SLC12A9: variants seen among roughly 807,000 people sequenced by gnomAD.
SLC12A9 encodes the protein CCC-interacting protein 1.
Under a neutral mutation model 66.0 loss-of-function variants are expected in SLC12A9, and 55 were observed. The observed-to-expected ratio is 0.83, with a 90% CI of 0.67 to 1.04. The LOEUF is 1.04. Among genes scored for constraint, SLC12A9 ranks in the 50% least tolerant of loss-of-function variants. The probability of loss-of-function intolerance (pLI) is 0.00; values close to 1 mark genes in which losing one functional copy is unlikely to be tolerated. For synonymous variants in SLC12A9, 577 were observed against 569.0 expected (o/e 1.01, Z -0.20); for missense variants, 1,061 against 1,241.9 (o/e 0.85, Z 2.19).
At chr7:100,863,740 C>G (rs886878982) in intron 13 of SLC12A9, among the ~76,000 whole-genome samples, 3 of 152,228 alleles carry the variant, frequency 2.0e-5, no homozygotes, top group African/African-American at 4.8e-5. Flanking sequence ...CAGTCACTGC[C>G]TTTTCCCTTA....
chr7:100,833,749 A>G (rs1321604001), intron 1 of SLC12A9, among the ~76,000 whole-genome samples: 1 of 151,890 alleles, frequency 6.6e-6, no homozygotes, highest in Middle Eastern at 3.2e-3. Context: ...CCTGGCTAAC[A>G]TGGTGAAACC....
chr7:100,835,688 CAA>C (rs922075164), intron 1 of SLC12A9, among the ~76,000 whole-genome samples: 3 of 152,068 alleles, frequency 2.0e-5, no homozygotes, highest in Admixed American at 1.3e-4. Flanking sequence ...CACACATACA[CAA>C]AAGAGTGTGA....
chr7:100,854,911 C>A (rs1814293558), intron 3 of SLC12A9, among the ~76,000 whole-genome samples, 157 bp downstream of exon 3: 1 of 152,020 alleles, frequency 6.6e-6, no homozygotes, highest in Non-Finnish European at 1.5e-5. Context: ...CATCTGTAAT[C>A]CCAGCACTTT....
chr7:100,860,414 C>A, intron 9 of SLC12A9, 182 bp downstream of exon 9: 1 of 638,962 alleles, frequency 1.6e-6, no homozygotes. Flanking sequence ...CAGGTTGCCC[C>A]AGTGCTTTGC....
rs1415792576 is a variant in SLC12A9, at chr7:100,864,113, C to T, written c.1858+1286C>T. Among the ~76,000 whole-genome samples, 4 of 130,312 alleles carry T rather than the reference C, an allele frequency of 3.1e-5. No individual in the cohort carries two copies. In the Admixed American group the frequency reaches 3.5e-4, roughly 12 times the overall value. The allele number at this position is 130,312 out of a possible 152,430, so 85.5% of individuals were successfully genotyped here. On this transcript the variant is annotated intron_variant, in intron 13 of 13. Coordinates refer to ENST00000354161, the MANE Select transcript of SLC12A9 (RefSeq NM_020246.4). ...TTTTTTTTTTGGACAGGGTCTCACT[C>T]TGTTGCCCAGGCTGGAGTGCAGTGG...
intron 9 of SLC12A9, chr7:100,860,524 C>T (rs1814684452): frequency 4.6e-6 from 2 of 438,300 alleles, no homozygotes; most frequent in East Asian, 9.3e-5. Context: ...TAGTATTTTT[C>T]AGTATTCACT....
Position 100,858,857 on chromosome 7 carries a change from C to T in SLC12A9, c.780C>T (p.Thr260=), listed in dbSNP as rs747729922. Residue 260 remains threonine, a synonymous_variant, in exon 6 of 14, where the codon ACC becomes ACT. Coordinates refer to ENST00000354161, the MANE Select transcript of SLC12A9 (RefSeq NM_020246.4). The part of the protein sequence containing the change: ...NLGAGYAEDY[T]TGAVMNFASV... ...TAGCTGGCTATGCTGAGGACTACAC[C>T]ACGGGAGCCGTGATGAATTTTGCCA... 11 of 1,614,074 alleles carry T rather than the reference C, an allele frequency of 6.8e-6. No individual in the cohort carries two copies. In the East Asian group the frequency reaches 1.8e-4, roughly 26 times the overall value.
rs1814719774 is a variant in SLC12A9, at chr7:100,861,063, TC to T, written c.1219-74del. ...TTGACACTTTGGGGTACACTGGCAT[TC>T]TTTGGTGTTCACTGGCATTTTGGGG... On this transcript the variant is annotated intron_variant, in intron 9 of 13. Coordinates refer to ENST00000354161, the MANE Select transcript of SLC12A9 (RefSeq NM_020246.4). This position sits in a 1 kb window ranked among gnomAD's most constrained non-coding sequence, Gnocchi z 5.3. The T allele has an allele frequency of 1.2e-6, 2 of 1,611,430 alleles. No individual in the cohort carries two copies. The highest frequency in any genetic ancestry group is 1.7e-4 in the Middle Eastern group (1 of 6,058).
Position 100,866,022 on chromosome 7 carries a change from T to A in SLC12A9, c.2162T>A (p.Leu721Gln). Reference sequence around the variant, plus strand: ...CGGGGGTCTGGGGGCACCTCTCAGCTGCACCATGTGGACGTGTGGCCCCTC... The same window carrying A: ...CGGGGGTCTGGGGGCACCTCTCAGCAGCACCATGTGGACGTGTGGCCCCTC... ...LSRGSGGTSQ[L>Q]HHVDVWPLNL... Residue 721 changes from leucine to glutamine, a missense_variant, in exon 14 of 14, where the codon CTG (leucine) becomes CAG (glutamine). Coordinates refer to ENST00000354161, the MANE Select transcript of SLC12A9 (RefSeq NM_020246.4). This position sits in a 1 kb window ranked among gnomAD's most constrained non-coding sequence, Gnocchi z 7.3. 1 of 1,612,798 alleles carries A rather than the reference T, an allele frequency of 6.2e-7. No individual in the cohort carries two copies. Among genetic ancestry groups the A allele is most frequent in the Non-Finnish European group, 8.5e-7 (1 of 1,179,850 alleles).
At chr7:100,828,965 T>A (rs1032003575) in intron 1 of SLC12A9, among the ~76,000 whole-genome samples, 2 of 150,318 alleles carry the variant, frequency 1.3e-5, no homozygotes, top group African/African-American at 4.9e-5. Context: ...GGACTTAGAC[T>A]CCCACAGTAA....
rs750391645 is a variant in SLC12A9, at chr7:100,862,813, G to A, written c.1844G>A (p.Arg615Gln). The change falls in exon 13 of 14, where the codon CGA (arginine) becomes CAA (glutamine). Residue 615 changes from arginine (R) to glutamine (Q), a missense_variant. By Grantham distance (43) the Arg-to-Gln change is conservative (BLOSUM62 1). Coordinates refer to ENST00000354161, the MANE Select transcript of SLC12A9 (RefSeq NM_020246.4). ...CGCCAGGGGGCTCAGCATCTGCTGC[G>A]AATCTCCGGCCTCGGTGAGCTGCTT... ...SVRQGAQHLL[R>Q]ISGLGGMKPN... 7 of 1,613,958 alleles carry A rather than the reference G, an allele frequency of 4.3e-6. No homozygotes were observed. The highest frequency in any genetic ancestry group is 1.6e-4 in the Middle Eastern group (1 of 6,072).
upstream of SLC12A9, among the ~76,000 whole-genome samples, chr7:100,849,673 C>T (rs1814014945): frequency 6.6e-6 from 1 of 151,548 alleles, no homozygotes; most frequent in Non-Finnish European, 1.5e-5. Flanking sequence ...TGAGATCGCG[C>T]CACTGCCCTA....
rs141919245 is a variant in SLC12A9, at chr7:100,826,955, G to GCC, written n.144_145dup. On this transcript the variant is annotated non_coding_transcript_exon_variant, in exon 1 of 2. Coordinates refer to the SLC12A9 transcript ENST00000461016. ...GGAGGTCCCAGGAGTGACGGGGTGC[G>GCC]CCCCCCCCCGCAAGGAAACTCACCT... 3.4e-3 allele frequency: 5,074 copies of GCC among 1,480,110 alleles called. 8 individuals carry two copies. The highest frequency in any genetic ancestry group is 0.013 in the East Asian group (484 of 38,278). The allele number at this position is 1,480,110 out of a possible 1,614,324, so 91.7% of individuals were successfully genotyped here.
chr7:100,862,449 T>A (rs1814816270), intron 12 of SLC12A9, among the ~76,000 whole-genome samples: 1 of 152,194 alleles, frequency 6.6e-6, no homozygotes, highest in Admixed American at 6.5e-5. Context: ...GGTCTCTTTA[T>A]GTTTCCCAGG....
At chr7:100,835,658 A>C (rs1584676724) in intron 1 of SLC12A9, among the ~76,000 whole-genome samples, 1 of 152,102 alleles carries the variant, frequency 6.6e-6, no homozygotes, top group Admixed American at 6.5e-5. Flanking sequence ...TCAAAAAAAA[A>C]AACAACAAAA....
rs374400811 is a variant in SLC12A9 at position 100,855,853 on chromosome 7, G to T, written c.448+16G>T. On this transcript the variant is annotated intron_variant, in intron 4 of 13. Coordinates refer to ENST00000354161, the MANE Select transcript of SLC12A9 (RefSeq NM_020246.4). ...TTCGGGGCCGGTCTGTGCTCTGTCCGATCTGGGCAGTGCTGCGGGTTTACA... is the reference window on the plus strand; with the variant it reads ...TTCGGGGCCGGTCTGTGCTCTGTCCTATCTGGGCAGTGCTGCGGGTTTACA... 1.5e-5 allele frequency: 24 copies of T among 1,589,222 alleles called. 1 individual carries two copies. Among genetic ancestry groups the T allele is most frequent in the Middle Eastern group, 1.7e-4 (1 of 5,922 alleles).
chr7:100,862,937 A>G, intron 13 of SLC12A9, 110 bp downstream of exon 13: 1 of 1,354,418 alleles, frequency 7.4e-7, no homozygotes, highest in Non-Finnish European at 1.0e-6. Flanking sequence ...AAAGGACCTT[A>G]TAGTCGAGAG....
chr7:100,839,698 G>A (rs1257577851), intron 1 of SLC12A9, among the ~76,000 whole-genome samples: 1 of 152,172 alleles, frequency 6.6e-6, no homozygotes, highest in African/African-American at 2.4e-5. Context: ...AGGAAGGAAC[G>A]GGCACTTAGA....
Position 100,856,856 on chromosome 7 carries a change from A to G in SLC12A9, c.449-12A>G. The G allele has an allele frequency of 1.3e-6, 2 of 1,573,226 alleles. No individual in the cohort carries two copies. The highest frequency in any genetic ancestry group is 1.7e-6 in the Non-Finnish European group (2 of 1,161,794). The stretch of plus-strand genomic sequence containing the variant: ...GATCGGGCCTTCTAACTCTGTCCCT[A>G]CCTCTCTCCAGATGCCACAGGGCCC... On this transcript the variant is annotated splice_polypyrimidine_tract_variant and intron_variant, in intron 4 of 13. Transcript: ENST00000354161.
Sources: gnomAD v4.1 joint callset for allele counts (sites outside exome capture counted in the v4.1 genomes callset) on GRCh38, gnomAD v4.1.1 for gene constraint, Gnocchi (gnomAD v3.1) non-coding constraint, MANE v1.5 for transcripts, NCBI Gene and HGNC (gene_info 2026-07-23, HGNC 2026-07-21) for gene names.